The following KIAA1958 variants were observed in gnomAD, a reference collection of about 807,000 sequenced individuals.
The protein encoded by KIAA1958 is KIAA1958, also known as uncharacterized protein KIAA1958.
KIAA1958 carries 14 observed loss-of-function variants against 47.2 expected under a neutral mutation model. The ratio of observed to expected loss-of-function variants is 0.30; its 90% CI spans 0.20 to 0.46. KIAA1958 has a LOEUF of 0.46. Among genes scored for constraint, KIAA1958 ranks in the 20% least tolerant of loss-of-function variants. The pLI, the probability that KIAA1958 is intolerant of heterozygous loss-of-function variation, is 1.00. For synonymous variants in KIAA1958, 354 were observed against 353.3 expected, an observed-to-expected ratio of 1.00 and a Z score of -0.02; for missense variants, 803 against 909.2, an observed-to-expected ratio of 0.88 and a Z score of 1.50.
At chr9:112,656,231 G>A (rs1242960117) in intron 3 of KIAA1958, among the ~76,000 whole-genome samples, 2 of 151,810 alleles carry the variant, frequency 1.3e-5, no homozygotes, top group African/African-American at 2.4e-5. Flanking sequence ...AAAATTAGCC[G>A]GGTGTGGTGG....
chr9:112,521,502 C>T (rs905207270), intron 1 of KIAA1958, among the ~76,000 whole-genome samples: 1 of 152,150 alleles, frequency 6.6e-6, no homozygotes, highest in African/African-American at 2.4e-5. Context: ...GCGTGAGCTA[C>T]CATGCCAGGC....
At chr9:112,572,777 T>C (rs1466969978) in intron 1 of KIAA1958, among the ~76,000 whole-genome samples, 1 of 152,196 alleles carries the variant, frequency 6.6e-6, no homozygotes, top group Non-Finnish European at 1.5e-5. Flanking sequence ...GAAATGAGGC[T>C]TGAGAGGTGG....
chr9:112,602,660 T>A (rs1179478419), intron 2 of KIAA1958, among the ~76,000 whole-genome samples: 1 of 152,176 alleles, frequency 6.6e-6, no homozygotes, highest in East Asian at 1.9e-4. Flanking sequence ...TAGTAATTTG[T>A]GTGATGGCCA....
At chr9:112,609,339 ATAAC>A (rs1836285774) in intron 2 of KIAA1958, among the ~76,000 whole-genome samples, 1 of 152,222 alleles carries the variant, frequency 6.6e-6, no homozygotes, top group African/African-American at 2.4e-5. Flanking sequence ...TTATAATCAG[ATAAC>A]TAACAAAGCT....
At chr9:112,570,543 T>TA (rs1379223758) in intron 1 of KIAA1958, among the ~76,000 whole-genome samples, 2 of 152,230 alleles carry the variant, frequency 1.3e-5, no homozygotes, top group Non-Finnish European at 2.9e-5. Context: ...AATTAGCTTT[T>TA]AAACTTTTAT....
At chr9:112,507,629 C>G (rs912401706) in intron 1 of KIAA1958, among the ~76,000 whole-genome samples, 10 of 152,020 alleles carry the variant, frequency 6.6e-5, no homozygotes. Context: ...GATTACAGGC[C>G]CTGAGCGACT....
chr9:112,588,990 G>C (rs1430908660), intron 2 of KIAA1958, among the ~76,000 whole-genome samples: 1 of 151,532 alleles, frequency 6.6e-6, no homozygotes, highest in Non-Finnish European at 1.5e-5. Context: ...ATGTTGCCCA[G>C]GCTGGTTTTA....
chr9:112,655,085 A>G (rs762263418), intron 3 of KIAA1958, among the ~76,000 whole-genome samples: 1 of 152,184 alleles, frequency 6.6e-6, no homozygotes, highest in Non-Finnish European at 1.5e-5. Context: ...CAGTTTTTCT[A>G]GCTCTTGCCT....
chr9:112,526,123 C>T (rs574889967), intron 1 of KIAA1958, among the ~76,000 whole-genome samples: 2 of 3,954 alleles, frequency 5.1e-4, no homozygotes, highest in South Asian at 0.023. Context: ...AACCACCATA[C>T]CCGGCCTTTA....
intron 1 of KIAA1958, among the ~76,000 whole-genome samples, chr9:112,567,352 C>T (rs1835442760): frequency 6.6e-6 from 1 of 152,196 alleles, no homozygotes; most frequent in Non-Finnish European, 1.5e-5. Context: ...TGTTGTGGCT[C>T]AAGGGCGTCA....
chr9:112,651,149 A>C (rs1185033046), intron 3 of KIAA1958, among the ~76,000 whole-genome samples: 2 of 152,152 alleles, frequency 1.3e-5, no homozygotes, highest in African/African-American at 4.8e-5. Flanking sequence ...ATAAGGACTT[A>C]ACGCTGTCAA....
At chr9:112,541,959 A>G (rs576244750) in intron 1 of KIAA1958, among the ~76,000 whole-genome samples, 3 of 152,358 alleles carry the variant, frequency 2.0e-5, no homozygotes, top group Admixed American at 1.3e-4. Flanking sequence ...ACAAGGAAGT[A>G]TGCCTATTTG....
chr9:112,549,409 T>A (rs1047148468), intron 1 of KIAA1958, among the ~76,000 whole-genome samples: 5 of 152,228 alleles, frequency 3.3e-5, no homozygotes, highest in Non-Finnish European at 5.9e-5. Flanking sequence ...CTCAAGGAAA[T>A]GAAAGTGTTT....
chr9:112,496,318 G>A (rs1021243396), intron 1 of KIAA1958, among the ~76,000 whole-genome samples: 2 of 152,198 alleles, frequency 1.3e-5, no homozygotes, highest in African/African-American at 2.4e-5. Flanking sequence ...GCCAGACAGA[G>A]CAGAGTTTAT....
chr9:112,621,887 C>T (rs1237084340), intron 2 of KIAA1958, among the ~76,000 whole-genome samples: 1 of 152,108 alleles, frequency 6.6e-6, no homozygotes. Context: ...ATAGCTGGAA[C>T]TACAAGTGCA....
At chr9:112,535,648 A>G (rs1834841835) in intron 1 of KIAA1958, among the ~76,000 whole-genome samples, 1 of 151,970 alleles carries the variant, frequency 6.6e-6, no homozygotes, top group South Asian at 2.1e-4. Context: ...ATATTTTTTC[A>G]TACTCTTTTC....
intron 1 of KIAA1958, among the ~76,000 whole-genome samples, chr9:112,512,628 TA>T (rs1442227274): frequency 1.3e-5 from 2 of 151,910 alleles, no homozygotes; most frequent in Non-Finnish European, 2.9e-5. Flanking sequence ...ACTGAGCACG[TA>T]GCATGTAAGT....
At chr9:112,649,462 G>T (rs958043821) in intron 3 of KIAA1958, among the ~76,000 whole-genome samples, 1 of 151,708 alleles carries the variant, frequency 6.6e-6, no homozygotes, top group Non-Finnish European at 1.5e-5. Context: ...CCCCACCTGA[G>T]AATTTTAAAA....
chr9:112,510,750 G>C (rs1834313810), intron 1 of KIAA1958, among the ~76,000 whole-genome samples: 1 of 152,096 alleles, frequency 6.6e-6, no homozygotes, highest in Admixed American at 6.6e-5. Context: ...GAGAAAAGCA[G>C]TTCGGTGTAG....
Sources: allele counts gnomAD v4.1 joint callset (sites outside exome capture counted in the v4.1 genomes callset), GRCh38; gene constraint gnomAD v4.1.1; transcripts MANE v1.5; gene names NCBI Gene and HGNC (gene_info 2026-07-23, HGNC 2026-07-21).